The following ELMO1 variants were observed in gnomAD, a reference collection of about 807,000 sequenced individuals.
The protein encoded by ELMO1 is engulfment and cell motility protein 1.
ELMO1 carries 26 observed loss-of-function variants against 98.9 expected under a neutral mutation model. That is an observed-to-expected ratio of 0.26 (90% CI 0.19 to 0.36). The LOEUF (loss-of-function observed/expected upper bound fraction) is 0.36, where lower values mean the gene tolerates loss of function less well. Among genes scored for constraint, ELMO1 ranks in the 10% least tolerant of loss-of-function variants. The pLI, the probability that ELMO1 is intolerant of heterozygous loss-of-function variation, is 1.00. For synonymous variants in ELMO1, 346 were observed against 346.0 expected (o/e 1.00, Z 0.00); for missense variants, 627 against 935.2 (o/e 0.67, Z 4.30).
At chr7:37,183,751 G>A (rs1791028111) in intron 13 of ELMO1, among the ~76,000 whole-genome samples, 1 of 152,018 alleles carries the variant, frequency 6.6e-6, no homozygotes, top group Admixed American at 6.5e-5. Context: ...AGAGAATAAG[G>A]TTTAGAAGAT....
intron 21 of ELMO1, among the ~76,000 whole-genome samples, chr7:36,856,874 C>A (rs1325575038): frequency 6.6e-6 from 1 of 152,220 alleles, no homozygotes; most frequent in Non-Finnish European, 1.5e-5. Flanking sequence ...ACTCCAGATT[C>A]CCAACTTTTC....
intron 16 of ELMO1, among the ~76,000 whole-genome samples, chr7:36,904,447 G>A (rs1783811284): frequency 6.6e-6 from 1 of 152,122 alleles, no homozygotes; most frequent in South Asian, 2.1e-4. Flanking sequence ...ATCCAAAACA[G>A]GAGTGTTGAG....
intron 16 of ELMO1, among the ~76,000 whole-genome samples, chr7:36,957,263 CT>C (rs1444398943): frequency 7.4e-6 from 1 of 135,320 alleles, no homozygotes; most frequent in East Asian, 1.9e-4. Flanking sequence ...TTGAAGTTGC[CT>C]TTGACAGGAT....
chr7:36,957,568 A>T (rs1320451728), intron 16 of ELMO1, among the ~76,000 whole-genome samples: 1 of 134,522 alleles, frequency 7.4e-6, no homozygotes, highest in Non-Finnish European at 1.5e-5. Flanking sequence ...TCCTCAACCC[A>T]AAGGTCTTGT....
chr7:37,104,557 T>C (rs1784835981), intron 14 of ELMO1, among the ~76,000 whole-genome samples: 1 of 152,142 alleles, frequency 6.6e-6, no homozygotes, highest in Non-Finnish European at 1.5e-5. Context: ...TGCCCTTAAG[T>C]AAAAACTCCA....
At chr7:37,049,402 A>C (rs900301298) in intron 15 of ELMO1, among the ~76,000 whole-genome samples, 11 of 152,172 alleles carry the variant, frequency 7.2e-5, no homozygotes, top group African/African-American at 2.2e-4. Context: ...AAACCAATTA[A>C]AACTATGTGA....
At chr7:36,969,891 T>A (rs1789767648) in intron 16 of ELMO1, among the ~76,000 whole-genome samples, 1 of 152,266 alleles carries the variant, frequency 6.6e-6, no homozygotes, top group Non-Finnish European at 1.5e-5. Flanking sequence ...CGCTTCCCTG[T>A]TGTTCATATT....
rs1802020305 is a variant in ELMO1, at chr7:36,853,955, C to T, written c.*1596G>A. Among the ~76,000 whole-genome samples, 1 of 152,166 alleles carries T rather than the reference C, an allele frequency of 6.6e-6. No individual in the cohort carries two copies. Among genetic ancestry groups the T allele is most frequent in the Non-Finnish European group, 1.5e-5 (1 of 68,024 alleles). On this transcript the variant is annotated 3_prime_UTR_variant, in exon 22 of 22. Transcript: ENST00000310758. ...GGCTTATTTCAGGTCTGTGGGTATGCATTCTTTTCATTGCTAAATGTGCTC... is the reference window on the plus strand; with the variant it reads ...GGCTTATTTCAGGTCTGTGGGTATGTATTCTTTTCATTGCTAAATGTGCTC...
chr7:37,098,609 G>C (rs1282001699), intron 14 of ELMO1, among the ~76,000 whole-genome samples: 1 of 152,170 alleles, frequency 6.6e-6, no homozygotes, highest in Admixed American at 6.5e-5. Context: ...CAAAACATAT[G>C]CACTCAGTCT....
intron 15 of ELMO1, among the ~76,000 whole-genome samples, chr7:37,083,569 G>A (rs141532282): frequency 2.6e-4 from 39 of 152,348 alleles, no homozygotes; most frequent in African/African-American, 7.9e-4. Context: ...AAGATGCTCA[G>A]GCCACAGCTG....
intron 16 of ELMO1, among the ~76,000 whole-genome samples, chr7:36,939,945 T>G (rs1786884192): frequency 6.6e-6 from 1 of 152,230 alleles, no homozygotes; most frequent in Non-Finnish European, 1.5e-5. Context: ...ACACACACCT[T>G]ATCCTTACAT....
At chr7:37,150,894 T>C (rs1273651258) in intron 13 of ELMO1, among the ~76,000 whole-genome samples, 1 of 152,230 alleles carries the variant, frequency 6.6e-6, no homozygotes, top group Non-Finnish European at 1.5e-5. Context: ...AGGAAATAAA[T>C]TCATTTTGCA....
chr7:37,073,269 C>T (rs1256443696), intron 15 of ELMO1, among the ~76,000 whole-genome samples: 1 of 152,020 alleles, frequency 6.6e-6, no homozygotes, highest in Non-Finnish European at 1.5e-5. Context: ...AAAGAAGTTA[C>T]TGATGATAAT....
intron 1 of ELMO1, among the ~76,000 whole-genome samples, chr7:37,445,572 G>A (rs771042156): frequency 2.2e-5 from 2 of 89,264 alleles, no homozygotes; most frequent in Middle Eastern, 6.5e-3. Context: ...TTCCCCACCC[G>A]CCCCACCCAC....
chr7:36,855,395 G>T lies in ELMO1; in HGVS notation c.*156C>A. On this transcript the variant is annotated 3_prime_UTR_variant, in exon 22 of 22. Coordinates refer to ENST00000310758, the MANE Select transcript of ELMO1 (RefSeq NM_014800.11). This position sits in a 1 kb window ranked among gnomAD's most constrained non-coding sequence, Gnocchi z 4.2. ...GTGAGCAAGATGCCAGCTAGGGGCT[G>T]AAAGTTGCCAGGGCTAGAGGTGATG... 2.2e-6 allele frequency: 2 copies of T among 920,540 alleles called. No individual in the cohort carries two copies. Among genetic ancestry groups the T allele is most frequent in the Non-Finnish European group, 3.3e-6 (2 of 601,852 alleles). 57.0% of individuals were successfully genotyped at this position (920,540 alleles called of 1,614,324 possible).
intron 15 of ELMO1, among the ~76,000 whole-genome samples, chr7:37,081,288 T>C (rs888351517): frequency 1.3e-5 from 2 of 152,250 alleles, no homozygotes; most frequent in African/African-American, 4.8e-5. Context: ...TGGAATACTA[T>C]GCAATTATTA....
At chr7:37,069,815 T>G (rs1797176444) in intron 15 of ELMO1, among the ~76,000 whole-genome samples, 1 of 152,224 alleles carries the variant, frequency 6.6e-6, no homozygotes, top group Non-Finnish European at 1.5e-5. Context: ...TATTGTTATA[T>G]TCTATTTCGA....
At chr7:37,384,181 T>C (rs1387647983) in intron 1 of ELMO1, among the ~76,000 whole-genome samples, 1 of 152,218 alleles carries the variant, frequency 6.6e-6, no homozygotes, top group African/African-American at 2.4e-5. Flanking sequence ...TTAGAGAGTC[T>C]ATTGAATTCT....
In ELMO1 at chr7:37,222,802, G is replaced by C. The variant is rs1793668367; in HGVS notation, c.702-109C>G. On this transcript the variant is annotated intron_variant, in intron 9 of 21. Coordinates refer to ENST00000310758, the MANE Select transcript of ELMO1 (RefSeq NM_014800.11). ...AATCAGCCCCCTCCCCCCAAAAAAA[G>C]TGAGAGAGAAAGGCAGGGCCTAGAA... is the stretch of plus-strand genomic sequence containing the variant. 3 of 930,086 alleles carry C rather than the reference G, an allele frequency of 3.2e-6. No individual in the cohort carries two copies. The East Asian group carries it at 7.7e-5, about 24-fold the overall frequency. The allele number at this position is 930,086 out of a possible 1,614,324, so 57.6% of individuals were successfully genotyped here.
Sources: gnomAD v4.1 joint callset for allele counts (sites outside exome capture counted in the v4.1 genomes callset) on GRCh38, gnomAD v4.1.1 for gene constraint, Gnocchi (gnomAD v3.1) non-coding constraint, MANE v1.5 for transcripts, NCBI Gene and HGNC (gene_info 2026-07-23, HGNC 2026-07-21) for gene names.